KCNN3: variants seen among roughly 807,000 people sequenced by gnomAD.
KCNN3 encodes the protein potassium calcium-activated channel subfamily N member 3, also known as small conductance calcium-activated potassium channel protein 3.
Under a neutral mutation model 62.9 loss-of-function variants are expected in KCNN3, and 16 were observed. That is an observed-to-expected ratio of 0.25 (90% confidence interval 0.17 to 0.39). The LOEUF (loss-of-function observed/expected upper bound fraction) is 0.39, where lower values mean the gene tolerates loss of function less well. Among genes scored for constraint, KCNN3 ranks in the 10% least tolerant of loss-of-function variants. KCNN3 has a pLI of 1.00. For missense variants in KCNN3, 599 were observed against 949.4 expected (o/e 0.63, Z 4.85); for synonymous variants, 370 against 389.2 (o/e 0.95, Z 0.58).
chr1:154,746,573 C>G (rs1700941240), intron 3 of KCNN3, among the ~76,000 whole-genome samples: 1 of 151,764 alleles, frequency 6.6e-6, no homozygotes, highest in Admixed American at 6.6e-5. Context: ...TCTGTTCTTT[C>G]TTCTTCTCTT....
At chr1:154,738,182 A>C (rs1700751780) in intron 3 of KCNN3, among the ~76,000 whole-genome samples, 1 of 152,206 alleles carries the variant, frequency 6.6e-6, no homozygotes, top group African/African-American at 2.4e-5. Context: ...GAAATTTCAG[A>C]ACACCAGGGG....
In KCNN3 at chr1:154,809,583, C is replaced by T. The variant is rs1650315774; in HGVS notation, c.1029+12506G>A. Among the ~76,000 whole-genome samples, 1 of 152,220 alleles carries T rather than the reference C, an allele frequency of 6.6e-6. No individual in the cohort carries two copies. Among genetic ancestry groups the T allele is most frequent in the Non-Finnish European group, 1.5e-5 (1 of 68,034 alleles). On this transcript the variant is annotated intron_variant, in intron 2 of 7. Transcript: ENST00000271915. This position sits in a 1 kb window ranked among gnomAD's most constrained non-coding sequence, Gnocchi z 4.3. The stretch of plus-strand genomic sequence containing the variant: ...ATTTGTATCAATGGTTTAGATGAAG[C>T]TATTATACTCAGGCTCATCACATGT...
intron 1 of KCNN3, among the ~76,000 whole-genome samples, chr1:154,823,259 T>C (rs1650978571): frequency 1.3e-5 from 2 of 152,160 alleles, no homozygotes; most frequent in Admixed American, 6.5e-5. Context: ...AACACAGCCC[T>C]GAGCAAAGGC....
intron 3 of KCNN3, among the ~76,000 whole-genome samples, chr1:154,759,891 C>G (rs1325936237): frequency 5.3e-5 from 8 of 152,110 alleles, no homozygotes; most frequent in Non-Finnish European, 1.2e-4. Context: ...CACTTTGCAC[C>G]CACAGTCCCA....
chr1:154,848,614 A>G (rs1652179454), intron 1 of KCNN3, among the ~76,000 whole-genome samples: 1 of 152,004 alleles, frequency 6.6e-6, no homozygotes. Flanking sequence ...CTCTTCCCAG[A>G]ACTTCTAGGA....
intron 1 of KCNN3, chr1:154,867,911 A>C: frequency 1.0e-6 from 1 of 975,832 alleles, no homozygotes; most frequent in Non-Finnish European, 1.2e-6. Flanking sequence ...CCACAGCAGG[A>C]GAGCTCCCCG....
rs566745084 is a variant in KCNN3 at position 154,862,909 on chromosome 1, G to C, written c.933+6123C>G. On this transcript the variant is annotated intron_variant, in intron 1 of 7. Coordinates refer to ENST00000271915, the MANE Select transcript of KCNN3 (RefSeq NM_002249.6). This position sits in a 1 kb window ranked among gnomAD's most constrained non-coding sequence, Gnocchi z 4.1. ...ATGGGCAGCAGCAGGCAAGGGAAAG[G>C]GCATGAACTTGGGAGCTAAACGGGC... is the stretch of plus-strand genomic sequence containing the variant. Among the ~76,000 whole-genome samples the C allele has an allele frequency of 2.0e-5, 3 of 152,186 alleles. No homozygotes were observed. Among genetic ancestry groups the C allele is most frequent in the Non-Finnish European group, 4.4e-5 (3 of 68,026 alleles).
chr1:154,785,563 T>TAGAA (rs1649242334), intron 2 of KCNN3, among the ~76,000 whole-genome samples: 1 of 139,660 alleles, frequency 7.2e-6, no homozygotes, highest in Non-Finnish European at 1.5e-5. Context: ...CCTAAGCACT[T>TAGAA]TTCTTTTTCT....
At chr1:154,843,485 T>C (rs1043384892) in intron 1 of KCNN3, among the ~76,000 whole-genome samples, 2 of 152,080 alleles carry the variant, frequency 1.3e-5, no homozygotes, top group Non-Finnish European at 1.5e-5. Flanking sequence ...GGTCTGGCTA[T>C]GTTGTCCTGG....
chr1:154,870,007 C>T lies in KCNN3; in HGVS notation c.-43G>A, dbSNP rs989461983. The T allele has an allele frequency of 1.9e-6, 3 of 1,592,672 alleles. No individual in the cohort carries two copies. The highest frequency in any genetic ancestry group is 8.6e-7 in the Non-Finnish European group (1 of 1,167,178). On this transcript the variant is annotated 5_prime_UTR_variant, in exon 1 of 8. Transcript: ENST00000271915. ...TTCCCTGCAGCACAAGCCCCCACCC[C>T]AAAGCCACCCTCGCTCCAAAGATGT...
intron 1 of KCNN3, among the ~76,000 whole-genome samples, chr1:154,848,632 C>T (rs1408250372): frequency 2.0e-5 from 3 of 152,146 alleles, no homozygotes; most frequent in South Asian, 4.1e-4. Flanking sequence ...GGAAAACCTA[C>T]CTCTCCAGCC....
intron 7 of KCNN3, among the ~76,000 whole-genome samples, chr1:154,709,704 T>G (rs1700035307): frequency 6.6e-6 from 1 of 152,246 alleles, no homozygotes; most frequent in South Asian, 2.1e-4. Flanking sequence ...CAGGACACCG[T>G]GTCGTGGATG....
At chr1:154,782,711 T>C (rs1210163680) in intron 2 of KCNN3, among the ~76,000 whole-genome samples, 2 of 152,240 alleles carry the variant, frequency 1.3e-5, no homozygotes, top group African/African-American at 2.4e-5. Context: ...ATTCTGCACA[T>C]ACCATTTCAT....
At chr1:154,796,893 A>G (rs917406305) in intron 2 of KCNN3, among the ~76,000 whole-genome samples, 2 of 152,258 alleles carry the variant, frequency 1.3e-5, no homozygotes, top group Non-Finnish European at 2.9e-5. Context: ...TGAAGATAGT[A>G]GAATGGAAAC....
chr1:154,869,827 C>A lies in KCNN3; in HGVS notation c.138G>T (p.Ala46=), dbSNP rs1208768473. 15 of 1,561,662 alleles carry A rather than the reference C, an allele frequency of 9.6e-6. No homozygotes were observed. In the Admixed American group the frequency reaches 2.1e-4, roughly 22 times the overall value. Residue 46 remains alanine, a synonymous_variant, in exon 1 of 8, where the codon GCG becomes GCT. Transcript: ENST00000271915. This position sits in a 1 kb window ranked among gnomAD's most constrained non-coding sequence, Gnocchi z 6.1. ...GGGGCTGCTGGGGGGCTGCTGGTGG[C>A]GCTGGCGGTGGTGGCTGCTGCTGCT... The part of the protein sequence containing the change: ...QQQQQQPPPP[A]PPAAPQQPLG...
intron 1 of KCNN3, among the ~76,000 whole-genome samples, chr1:154,854,102 G>T (rs990979263): frequency 2.0e-5 from 3 of 151,932 alleles, no homozygotes; most frequent in African/African-American, 7.3e-5. Flanking sequence ...AGGTGTTGTG[G>T]CAGGCACCTG....
intron 2 of KCNN3, among the ~76,000 whole-genome samples, chr1:154,790,803 C>T (rs1239542805): frequency 1.3e-5 from 2 of 152,296 alleles, no homozygotes; most frequent in African/African-American, 2.4e-5. Context: ...TAGACATCCA[C>T]CAGGGATCTT....
chr1:154,790,837 C>A (rs1286934897), intron 2 of KCNN3, among the ~76,000 whole-genome samples: 12 of 152,160 alleles, frequency 7.9e-5, no homozygotes, highest in Non-Finnish European at 4.4e-5. Context: ...CATGTATATA[C>A]TGTACAGAAT....
At chr1:154,835,299 A>G (rs1055520363) in intron 1 of KCNN3, among the ~76,000 whole-genome samples, 6 of 152,172 alleles carry the variant, frequency 3.9e-5, no homozygotes, top group African/African-American at 1.4e-4. Context: ...GTAATCATTA[A>G]TATAATAATC....
Sources: allele counts gnomAD v4.1 joint callset (sites outside exome capture counted in the v4.1 genomes callset), GRCh38; gene constraint gnomAD v4.1.1; non-coding constraint Gnocchi (gnomAD v3.1); transcripts MANE v1.5; gene names NCBI Gene and HGNC (gene_info 2026-07-23, HGNC 2026-07-21).